The following MACROD2 variants were observed in gnomAD, a reference collection of about 807,000 sequenced individuals.
MACROD2 encodes the protein mono-ADP ribosylhydrolase 2, also known as ADP-ribose glycohydrolase MACROD2.
A neutral mutation model predicts 70.4 loss-of-function variants in MACROD2; 36 were observed. That is an observed-to-expected ratio of 0.51 (90% confidence interval 0.39 to 0.68). The LOEUF (loss-of-function observed/expected upper bound fraction) is 0.68. Among genes scored for constraint, MACROD2 ranks in the 30% least tolerant of loss-of-function variants. The probability of loss-of-function intolerance (pLI) is 0.00; values close to 1 mark genes in which losing one functional copy is unlikely to be tolerated. For synonymous variants in MACROD2, 172 were observed against 178.8 expected (o/e 0.96, Z 0.30); for missense variants, 496 against 538.4 (o/e 0.92, Z 0.78).
At chr20:15,299,969 T>C (rs1436362993) in intron 6 of MACROD2, among the ~76,000 whole-genome samples, 3 of 152,200 alleles carry the variant, frequency 2.0e-5, no homozygotes, top group African/African-American at 7.2e-5. Context: ...TGGACAGGTC[T>C]TAGATTTATT....
chr20:15,350,078 G>A (rs1433998016), intron 6 of MACROD2, among the ~76,000 whole-genome samples: 1 of 152,188 alleles, frequency 6.6e-6, no homozygotes, highest in African/African-American at 2.4e-5. Flanking sequence ...TGCATGTGAA[G>A]AAAAGTCTAG....
chr20:15,665,548 G>GA (rs2146825489), intron 8 of MACROD2, among the ~76,000 whole-genome samples: 1 of 152,264 alleles, frequency 6.6e-6, no homozygotes, highest in East Asian at 1.9e-4. Flanking sequence ...GGTCACAATA[G>GA]AAACTAATCA....
intron 2 of MACROD2, among the ~76,000 whole-genome samples, chr20:14,047,684 T>C (rs994397592): frequency 1.1e-4 from 16 of 152,148 alleles, no homozygotes; most frequent in African/African-American, 3.4e-4. Flanking sequence ...AAATTGAAAT[T>C]TCTCAGAAAG....
At chr20:15,671,352 A>T (rs2049977244) in intron 8 of MACROD2, among the ~76,000 whole-genome samples, 1 of 152,176 alleles carries the variant, frequency 6.6e-6, no homozygotes, top group African/African-American at 2.4e-5. Flanking sequence ...GAGATGAGGG[A>T]ATATATCCCA....
At position 14,544,227 on chromosome 20, in the gene MACROD2, CCTT is replaced by C. The variant is rs912073915; in HGVS notation, c.301+50723_301+50725del. Among the ~76,000 whole-genome samples, 7 of 136,782 alleles carry C rather than the reference CCTT, an allele frequency of 5.1e-5. No individual in the cohort carries two copies. The East Asian group carries it at 1.0e-3, about 20-fold the overall frequency. 89.7% of individuals were successfully genotyped at this position (136,782 alleles called of 152,430 possible). On this transcript the variant is annotated intron_variant, in intron 4 of 17. Coordinates refer to ENST00000684519, the MANE Select transcript of MACROD2 (RefSeq NM_001351661.2). The stretch of plus-strand genomic sequence containing the variant: ...TTAAGTAGCTGAAATAAAAATGATT[CCTT>C]CTTTTTTTTTTTTTTAGAAAATAGG...
At chr20:14,973,671 A>AC (rs1186118805) in intron 5 of MACROD2, among the ~76,000 whole-genome samples, 5 of 152,104 alleles carry the variant, frequency 3.3e-5, no homozygotes, top group Non-Finnish European at 7.4e-5. Context: ...GTGTGAACTA[A>AC]CTCAGTCTTC....
intron 8 of MACROD2, among the ~76,000 whole-genome samples, chr20:15,810,573 T>C (rs1305092056): frequency 1.3e-5 from 2 of 152,126 alleles, no homozygotes; most frequent in East Asian, 1.9e-4. Context: ...CTTCACAGAA[T>C]TGGAAAAAAC....
chr20:15,196,815 T>A, intron 5 of MACROD2: 1 of 972,436 alleles, frequency 1.0e-6, no homozygotes, highest in Admixed American at 6.2e-5. Flanking sequence ...TACCCCTCCC[T>A]TCTGCCTTGA....
chr20:15,976,478 G>A lies in MACROD2; in HGVS notation c.985+8848G>A, dbSNP rs142076252. 2.1e-4 allele frequency among the ~76,000 whole-genome samples: 32 copies of A among 152,306 alleles called. No homozygotes were observed. In the East Asian group the frequency reaches 5.4e-3, roughly 26 times the overall value. ...ACAGTGGGGAGAATTCAACTAGTCCGAATGTGAAGAGGGAAACATAAAGCT... is the reference window on the plus strand; with the variant it reads ...ACAGTGGGGAGAATTCAACTAGTCCAAATGTGAAGAGGGAAACATAAAGCT... On this transcript the variant is annotated intron_variant, in intron 13 of 17. Coordinates refer to ENST00000684519, the MANE Select transcript of MACROD2 (RefSeq NM_001351661.2).
chr20:15,968,797 GTA>G (rs35259261), intron 13 of MACROD2, among the ~76,000 whole-genome samples: 5,766 of 106,284 alleles, frequency 0.054, 144 homozygotes, highest in Non-Finnish European at 0.063. Context: ...TATATTATGC[GTA>G]TATATATATA....
chr20:15,576,013 C>A (rs987104487), intron 8 of MACROD2, among the ~76,000 whole-genome samples: 8 of 152,142 alleles, frequency 5.3e-5, no homozygotes, highest in African/African-American at 1.9e-4. Flanking sequence ...ATTCATTCAA[C>A]TTATTGATTC....
chr20:15,378,923 G>A (rs1390920840), intron 6 of MACROD2, among the ~76,000 whole-genome samples: 1 of 152,098 alleles, frequency 6.6e-6, no homozygotes. Context: ...GGTGACTCTC[G>A]TTTCATGGTG....
chr20:15,219,736 G>C (rs2076841792), intron 5 of MACROD2, among the ~76,000 whole-genome samples: 2 of 152,108 alleles, frequency 1.3e-5, no homozygotes. Flanking sequence ...TATTTTGGTG[G>C]AGAGGTGGAT....
intron 6 of MACROD2, among the ~76,000 whole-genome samples, chr20:15,273,829 A>C (rs430221): frequency 0.32 from 48,066 of 152,004 alleles, 8,866 homozygotes; most frequent in African/African-American, 0.52. Context: ...TCTAATAACT[A>C]CAACTGTGGA....
chr20:15,762,332 A>G lies in MACROD2; in HGVS notation c.646-100413A>G, dbSNP rs574215745. Among the ~76,000 whole-genome samples the G allele has an allele frequency of 2.6e-5, 4 of 152,284 alleles. No individual in the cohort carries two copies. In the East Asian group the frequency reaches 7.7e-4, roughly 29 times the overall value. ...TGATTACTCCAGGGCCAGAGCTAGT[A>G]AGCATTTGAACTCAGGTCTGTCTGC... On this transcript the variant is annotated intron_variant, in intron 8 of 17. Transcript: ENST00000684519.
At chr20:14,803,057 C>T (rs549276280) in intron 5 of MACROD2, among the ~76,000 whole-genome samples, 1 of 152,196 alleles carries the variant, frequency 6.6e-6, no homozygotes, top group Admixed American at 6.5e-5. Flanking sequence ...CCAGTTCCCA[C>T]TACAGTGGTG....
intron 4 of MACROD2, among the ~76,000 whole-genome samples, chr20:14,679,248 C>T (rs1320838009): frequency 6.6e-6 from 1 of 152,074 alleles, no homozygotes; most frequent in Non-Finnish European, 1.5e-5. Context: ...TAAATGGTTT[C>T]TTAAAAGAGA....
At chr20:14,074,735 AGGTTCTGCT>A (rs2053895306) in intron 2 of MACROD2, among the ~76,000 whole-genome samples, 1 of 152,160 alleles carries the variant, frequency 6.6e-6, no homozygotes, top group Non-Finnish European at 1.5e-5. Flanking sequence ...CCTCTTCTCA[AGGTTCTGCT>A]GACTACAGTA....
At chr20:15,175,237 A>G (rs1601177991) in intron 5 of MACROD2, among the ~76,000 whole-genome samples, 2 of 134,554 alleles carry the variant, frequency 1.5e-5, no homozygotes, top group Admixed American at 1.8e-4. Flanking sequence ...ATGAGAACAC[A>G]TGGATACAAG....
Sources: allele counts gnomAD v4.1 joint callset (sites outside exome capture counted in the v4.1 genomes callset), GRCh38; gene constraint gnomAD v4.1.1; transcripts MANE v1.5; gene names NCBI Gene and HGNC (gene_info 2026-07-23, HGNC 2026-07-21).